Variants in SRGAP1 observed in about 807,000 individuals in gnomAD.
The protein encoded by SRGAP1 is SLIT-ROBO Rho GTPase activating protein 1, also known as SLIT-ROBO Rho GTPase-activating protein 1.
In SRGAP1, 43 loss-of-function variants were observed where a neutral mutation model predicts 121.9. The observed-to-expected ratio is 0.35, with a 90% confidence interval of 0.28 to 0.46. The LOEUF is 0.46. Ranked by LOEUF, SRGAP1 falls within the 20% of genes least tolerant of loss-of-function variation. The pLI is 1.00. For missense variants in SRGAP1, 1,102 were observed against 1,350.9 expected (o/e 0.82, Z 2.89); for synonymous variants, 447 against 485.4 (o/e 0.92, Z 1.04).
At chr12:64,079,946 A>C (rs1039446302) in intron 9 of SRGAP1, among the ~76,000 whole-genome samples, 2 of 152,114 alleles carry the variant, frequency 1.3e-5, no homozygotes, top group Non-Finnish European at 2.9e-5. Flanking sequence ...AATAATTTTT[A>C]AAAATTAAAA....
At chr12:63,882,078 A>G (rs55867126) in intron 1 of SRGAP1, among the ~76,000 whole-genome samples, 11,161 of 152,244 alleles carry the variant, frequency 0.073, 585 homozygotes, top group East Asian at 0.24. Flanking sequence ...GGTTGGTGCA[A>G]AGTTATTGCA....
chr12:64,051,033 A>C (rs1019933499), intron 6 of SRGAP1, among the ~76,000 whole-genome samples: 1 of 152,072 alleles, frequency 6.6e-6, no homozygotes, highest in African/African-American at 2.4e-5. Context: ...CTAATCCAGC[A>C]AAATTCTTTG....
chr12:63,981,386 C>CAAA (rs2033242283), intron 1 of SRGAP1, among the ~76,000 whole-genome samples: 8 of 151,568 alleles, frequency 5.3e-5, no homozygotes, highest in African/African-American at 2.0e-4. Context: ...CAAAAAAAAC[C>CAAA]CCAGAAAACT....
chr12:63,917,893 A>G (rs2030860774), intron 1 of SRGAP1, among the ~76,000 whole-genome samples: 2 of 151,812 alleles, frequency 1.3e-5, no homozygotes, highest in South Asian at 4.1e-4. Flanking sequence ...AAAACCGTGA[A>G]TAAATGGCTG....
At chr12:63,973,189 T>C (rs1022550879) in intron 1 of SRGAP1, among the ~76,000 whole-genome samples, 5 of 152,162 alleles carry the variant, frequency 3.3e-5, no homozygotes, top group Non-Finnish European at 5.9e-5. Context: ...CACTAGACCC[T>C]TGGCACCTAA....
At chr12:63,994,295 A>G (rs187701438) in intron 3 of SRGAP1, among the ~76,000 whole-genome samples, 5 of 152,300 alleles carry the variant, frequency 3.3e-5, no homozygotes, top group Admixed American at 2.6e-4. Flanking sequence ...ATTATACCAA[A>G]TGTGTCCTCA....
intron 3 of SRGAP1, among the ~76,000 whole-genome samples, chr12:63,999,856 A>G (rs2033825275): frequency 6.6e-6 from 1 of 152,120 alleles, no homozygotes; most frequent in African/African-American, 2.4e-5. Context: ...GAGAACATAT[A>G]GGGTGAGGAG....
chr12:64,045,419 T>C (rs1161991926), intron 6 of SRGAP1, among the ~76,000 whole-genome samples: 4 of 152,058 alleles, frequency 2.6e-5, no homozygotes, highest in Non-Finnish European at 5.9e-5. Flanking sequence ...ATTGGAGTAC[T>C]TGGCTAAATC....
intron 1 of SRGAP1, among the ~76,000 whole-genome samples, chr12:63,907,229 T>C (rs1443273097): frequency 6.6e-6 from 1 of 152,124 alleles, no homozygotes; most frequent in Non-Finnish European, 1.5e-5. Flanking sequence ...CATATTCAAA[T>C]TATTTGCCCA....
chr12:63,923,374 T>A (rs2031140575), intron 1 of SRGAP1, among the ~76,000 whole-genome samples: 1 of 152,230 alleles, frequency 6.6e-6, no homozygotes, highest in Non-Finnish European at 1.5e-5. Context: ...GGCTTCTAAA[T>A]ATTTTGTTTA....
intron 3 of SRGAP1, among the ~76,000 whole-genome samples, chr12:64,006,016 T>C (rs1282656016): frequency 6.6e-6 from 1 of 152,174 alleles, no homozygotes; most frequent in Non-Finnish European, 1.5e-5. Flanking sequence ...GGAAAGGAAC[T>C]ATAGACATAA....
intron 18 of SRGAP1, among the ~76,000 whole-genome samples, chr12:64,122,477 G>T (rs893989389): frequency 7.2e-5 from 11 of 152,196 alleles, no homozygotes; most frequent in African/African-American, 2.7e-4. Flanking sequence ...TAATGAAATT[G>T]CTGAGAATTA....
intron 8 of SRGAP1, among the ~76,000 whole-genome samples, chr12:64,066,043 A>G (rs2035533930): frequency 1.3e-5 from 2 of 152,198 alleles, no homozygotes; most frequent in African/African-American, 4.8e-5. Context: ...TGTTTCTTGC[A>G]TTAGTCAAGG....
In SRGAP1 at chr12:63,989,853, C is replaced by T. The variant is rs537729280; in HGVS notation, c.264-57C>T. 2.8e-6 allele frequency: 4 copies of T among 1,424,514 alleles called. No homozygotes were observed. The East Asian group carries it at 9.1e-5, about 33-fold the overall frequency. The allele number at this position is 1,424,514 out of a possible 1,614,324, so 88.2% of individuals were successfully genotyped here. ...TTTAGTTTGCCTTGGTGACTTCACT[C>T]ATCTGATTGGGGCAACTTTGAAATG... On this transcript the variant is annotated intron_variant, in intron 2 of 21. Coordinates refer to ENST00000355086, the MANE Select transcript of SRGAP1 (RefSeq NM_020762.4).
intron 1 of SRGAP1, among the ~76,000 whole-genome samples, chr12:63,911,833 C>T (rs1394689950): frequency 1.3e-5 from 2 of 152,228 alleles, no homozygotes; most frequent in Non-Finnish European, 2.9e-5. Context: ...CCCAAAACTA[C>T]TGGCTTCTAA....
intron 1 of SRGAP1, among the ~76,000 whole-genome samples, chr12:63,960,663 C>A (rs1446720165): frequency 1.3e-5 from 2 of 152,142 alleles, no homozygotes; most frequent in Non-Finnish European, 1.5e-5. Context: ...ACTTTGCAGA[C>A]GTTATTAGGT....
chr12:63,987,862 T>C (rs2033458845), intron 2 of SRGAP1, among the ~76,000 whole-genome samples: 1 of 152,222 alleles, frequency 6.6e-6, no homozygotes, highest in Non-Finnish European at 1.5e-5. Flanking sequence ...GCACTTACCA[T>C]GTATACAAGG....
chr12:63,919,529 C>T (rs192893620), intron 1 of SRGAP1, among the ~76,000 whole-genome samples: 3,282 of 127,350 alleles, frequency 0.026, 190 homozygotes, highest in African/African-American at 0.11. Context: ...TATACACATA[C>T]ACACACACAC....
chr12:63,982,030 A>G (rs572308839), intron 1 of SRGAP1, among the ~76,000 whole-genome samples: 2 of 152,070 alleles, frequency 1.3e-5, no homozygotes, highest in South Asian at 4.2e-4. Flanking sequence ...TGGCTAACAC[A>G]GTGAAACCCC....
Sources: allele counts gnomAD v4.1 joint callset (sites outside exome capture counted in the v4.1 genomes callset), GRCh38; gene constraint gnomAD v4.1.1; transcripts MANE v1.5; gene names NCBI Gene and HGNC (gene_info 2026-07-23, HGNC 2026-07-21).